Variants in ADGRV1 observed in about 807,000 individuals in gnomAD.
ADGRV1 encodes the protein G-protein coupled receptor 98.
In ADGRV1, 359 loss-of-function variants were observed where a neutral mutation model predicts 596.2. The ratio of observed to expected loss-of-function variants is 0.60; its 90% CI spans 0.55 to 0.66. The LOEUF is 0.66. Ranked by LOEUF, ADGRV1 falls within the 30% of genes least tolerant of loss-of-function variation. The pLI, the probability that ADGRV1 is intolerant of heterozygous loss-of-function variation, is 0.00. For synonymous variants in ADGRV1, 2,681 were observed against 2,679.2 expected, an observed-to-expected ratio of 1.00 and a Z score of -0.02; for missense variants, 7,274 against 7,575.6, an observed-to-expected ratio of 0.96 and a Z score of 1.48.
chr5:90,624,215 A>T (rs992784386), intron 5 of ADGRV1, among the ~76,000 whole-genome samples: 10 of 152,196 alleles, frequency 6.6e-5, no homozygotes, highest in African/African-American at 2.4e-4. Context: ...CACTAACTAA[A>T]TATGCAGTAG....
intron 1 of ADGRV1, among the ~76,000 whole-genome samples, chr5:90,569,381 ATATATATTTTTTTTTTT>A (rs1224850859): frequency 1.5e-4 from 3 of 19,428 alleles, no homozygotes; most frequent in Non-Finnish European, 2.4e-4. Flanking sequence ...ATATATATAT[ATATATATTTTTTTTTTT>A]TTTTTTTTTT....
intron 22 of ADGRV1, among the ~76,000 whole-genome samples, chr5:90,673,562 C>T (rs775769056): frequency 1.1e-4 from 16 of 152,008 alleles, no homozygotes; most frequent in Admixed American, 5.2e-4. Flanking sequence ...GAGGCTGGGA[C>T]GTCTGAGAGC....
chr5:90,791,669 TG>T (rs1760097824), intron 70 of ADGRV1: 1 of 219,016 alleles, frequency 4.6e-6, no homozygotes, highest in South Asian at 1.4e-4. Flanking sequence ...GCACACACAC[TG>T]ATACTTGTCA....
chr5:91,097,387 A>G (rs1429101379), intron 86 of ADGRV1, among the ~76,000 whole-genome samples: 1 of 152,238 alleles, frequency 6.6e-6, no homozygotes, highest in Non-Finnish European at 1.5e-5. Context: ...TTCAACATAT[A>G]AAGTTTGGGG....
chr5:90,926,600 A>AT (rs1186604711), intron 83 of ADGRV1, among the ~76,000 whole-genome samples: 3 of 151,596 alleles, frequency 2.0e-5, no homozygotes, highest in Admixed American at 6.6e-5. Context: ...GGATTCATTA[A>AT]TTTTTTGAAG....
At chr5:90,783,074 A>C (rs1759027714) in intron 65 of ADGRV1, 50 bp from the exon 66 acceptor site, 1 of 1,461,342 alleles carries the variant, frequency 6.8e-7, no homozygotes, top group Admixed American at 1.7e-5. Flanking sequence ...GAATCTTATA[A>C]GTTAGTTGCT....
chr5:90,911,054 A>T (rs556861790), intron 83 of ADGRV1, among the ~76,000 whole-genome samples: 5 of 152,332 alleles, frequency 3.3e-5, no homozygotes, highest in African/African-American at 1.2e-4. Flanking sequence ...ATTTAATATT[A>T]AAAAACAGCG....
At chr5:90,765,113 C>A (rs1272646291) in intron 59 of ADGRV1, among the ~76,000 whole-genome samples, 1 of 152,130 alleles carries the variant, frequency 6.6e-6, no homozygotes, top group African/African-American at 2.4e-5. Flanking sequence ...CCCACTGGCC[C>A]TCTGACAGAT....
intron 84 of ADGRV1, 65 bp downstream of exon 84, chr5:90,965,596 A>G: frequency 1.2e-6 from 1 of 841,712 alleles, no homozygotes; most frequent in Non-Finnish European, 2.0e-6. Flanking sequence ...GAGTGGTCTT[A>G]ATGTCTGATA....
intron 48 of ADGRV1, 99 bp downstream of exon 48, chr5:90,725,755 A>G: frequency 1.4e-6 from 1 of 706,982 alleles, no homozygotes; most frequent in Non-Finnish European, 2.4e-6. Flanking sequence ...TTAGTATAAA[A>G]GAAAACCAAA....
intron 21 of ADGRV1, among the ~76,000 whole-genome samples, chr5:90,658,725 T>C (rs1044399703): frequency 1.3e-5 from 2 of 151,824 alleles, no homozygotes; most frequent in Non-Finnish European, 2.9e-5. Flanking sequence ...TAGTTATCAC[T>C]TTCTTCCATG....
At chr5:90,653,133 A>G in intron 19 of ADGRV1, 76 bp from the exon 20 acceptor site, 1 of 1,351,172 alleles carries the variant, frequency 7.4e-7, no homozygotes, top group Non-Finnish European at 9.9e-7. Context: ...TCTGCTAAAC[A>G]AATTCTTTTT....
chr5:90,724,994 A>ACAT lies in ADGRV1; in HGVS notation c.9906+8_9906+10dup. On this transcript the variant is annotated splice_donor_region_variant and intron_variant, in intron 46 of 89. Transcript: ENST00000405460. ...GGGATTTTTATTCCAGTTGAGGTAA[A>ACAT]CATCAGTATTTTTTTATAGTACAAA... is the stretch of plus-strand genomic sequence containing the variant. 6.3e-7 allele frequency: 1 copy of ACAT among 1,584,928 alleles called. No homozygotes were observed. Among genetic ancestry groups the ACAT allele is most frequent in the Non-Finnish European group, 8.6e-7 (1 of 1,169,378 alleles).
intron 86 of ADGRV1, among the ~76,000 whole-genome samples, chr5:91,089,091 G>T (rs561954462): frequency 6.6e-6 from 1 of 152,140 alleles, no homozygotes; most frequent in South Asian, 2.1e-4. Flanking sequence ...TGCCACACCT[G>T]TGGGTATTGT....
intron 76 of ADGRV1, among the ~76,000 whole-genome samples, chr5:90,825,238 C>A (rs1763976136): frequency 6.6e-6 from 1 of 152,106 alleles, no homozygotes; most frequent in Non-Finnish European, 1.5e-5. Flanking sequence ...TGCCTAGCCC[C>A]CATATTTCTT....
chr5:90,728,307 T>C (rs1040683707), intron 48 of ADGRV1, among the ~76,000 whole-genome samples: 6 of 152,198 alleles, frequency 3.9e-5, no homozygotes, highest in African/African-American at 1.4e-4. Context: ...ATGTTTCTTA[T>C]TCCGTTCTAA....
chr5:90,834,896 TTC>T (rs750353341), intron 77 of ADGRV1, among the ~76,000 whole-genome samples: 1 of 151,640 alleles, frequency 6.6e-6, no homozygotes, highest in Non-Finnish European at 1.5e-5. Flanking sequence ...TTTTCTTTCT[TTC>T]TCTTTCTTTT....
intron 83 of ADGRV1, among the ~76,000 whole-genome samples, chr5:90,900,329 C>CT (rs76476613): frequency 0.088 from 11,151 of 127,424 alleles, 734 homozygotes; most frequent in East Asian, 0.23. Flanking sequence ...CATTGCCATT[C>CT]TTTTTTTTTT....
intron 34 of ADGRV1, among the ~76,000 whole-genome samples, chr5:90,698,559 T>TAAA (rs1747496613): frequency 1.3e-5 from 2 of 152,110 alleles, no homozygotes; most frequent in Non-Finnish European, 2.9e-5. Context: ...ATATTTGAAG[T>TAAA]TATTTGAGTT....
Sources: gnomAD v4.1 joint callset for allele counts (sites outside exome capture counted in the v4.1 genomes callset) on GRCh38, gnomAD v4.1.1 for gene constraint, MANE v1.5 for transcripts, NCBI Gene and HGNC (gene_info 2026-07-23, HGNC 2026-07-21) for gene names.